Variants in SCFD2 observed in about 807,000 individuals in gnomAD.
The protein encoded by SCFD2 is sec1 family domain containing 2.
SCFD2 carries 54 observed loss-of-function variants against 58.9 expected under a neutral mutation model. The ratio of observed to expected loss-of-function variants is 0.92; its 90% CI spans 0.74 to 1.15. The LOEUF (loss-of-function observed/expected upper bound fraction) is 1.15, where lower values mean the gene tolerates loss of function less well. Among genes scored for constraint, SCFD2 ranks in the 50% most tolerant of loss-of-function variants. The probability of loss-of-function intolerance (pLI) is 0.00; values close to 1 mark genes in which losing one functional copy is unlikely to be tolerated. For missense variants in SCFD2, 805 were observed against 836.6 expected (o/e 0.96, Z 0.47); for synonymous variants, 321 against 335.9 (o/e 0.96, Z 0.49).
chr4:53,214,503 G>T (rs1728742906), intron 4 of SCFD2, among the ~76,000 whole-genome samples: 1 of 151,870 alleles, frequency 6.6e-6, no homozygotes, highest in African/African-American at 2.4e-5. Flanking sequence ...TGATGGGGTT[G>T]TTTTTTTCTT....
At chr4:53,065,869 T>C (rs1213469204) in intron 5 of SCFD2, among the ~76,000 whole-genome samples, 1 of 152,092 alleles carries the variant, frequency 6.6e-6, no homozygotes, top group East Asian at 1.9e-4. Context: ...ATAAGTAAGA[T>C]TGCTGACTGA....
At chr4:53,206,434 C>T (rs193129346) in intron 4 of SCFD2, among the ~76,000 whole-genome samples, 17 of 152,186 alleles carry the variant, frequency 1.1e-4, no homozygotes, top group Admixed American at 1.0e-3. Context: ...TTTGAATGTA[C>T]AAAGCTTAAA....
intron 4 of SCFD2, among the ~76,000 whole-genome samples, chr4:53,197,850 T>C (rs1254645457): frequency 6.6e-6 from 1 of 151,936 alleles, no homozygotes; most frequent in East Asian, 1.9e-4. Flanking sequence ...GCTAATGAGA[T>C]GTTAATTTCA....
chr4:53,177,548 G>A lies in SCFD2; in HGVS notation c.1312-31966C>T, dbSNP rs576532092. Reference sequence around the variant, plus strand: ...GACTGGGAGAGGAGCCAAGATGGTCGAATAGGAACAGCTCCGGTCTACAGC... The same window carrying A: ...GACTGGGAGAGGAGCCAAGATGGTCAAATAGGAACAGCTCCGGTCTACAGC... On this transcript the variant is annotated intron_variant, in intron 4 of 8. Coordinates refer to ENST00000401642, the MANE Select transcript of SCFD2 (RefSeq NM_152540.4). 5.9e-5 allele frequency among the ~76,000 whole-genome samples: 9 copies of A among 152,290 alleles called. No homozygotes were observed. The South Asian group carries it at 6.2e-4, about 11-fold the overall frequency.
chr4:53,086,519 C>T lies in SCFD2; in HGVS notation c.1561+58814G>A, dbSNP rs143272690. On this transcript the variant is annotated intron_variant, in intron 5 of 8. Coordinates refer to ENST00000401642, the MANE Select transcript of SCFD2 (RefSeq NM_152540.4). The stretch of plus-strand genomic sequence containing the variant: ...CAGAGCTACCATATGATCCAGCAAT[C>T]TCACTGCTGGGTGTACACCCAAAAG... 1.2e-4 allele frequency among the ~76,000 whole-genome samples: 19 copies of T among 152,312 alleles called. No individual in the cohort carries two copies. In the East Asian group the frequency reaches 3.7e-3, roughly 29 times the overall value.
chr4:53,200,444 G>A (rs1217814840), intron 4 of SCFD2, among the ~76,000 whole-genome samples: 1 of 151,998 alleles, frequency 6.6e-6, no homozygotes, highest in Admixed American at 6.6e-5. Flanking sequence ...TATTAAAGTA[G>A]ATTTCAAATG....
intron 5 of SCFD2, among the ~76,000 whole-genome samples, chr4:53,012,122 G>A (rs149681715): frequency 5.3e-5 from 8 of 151,460 alleles, no homozygotes; most frequent in African/African-American, 1.9e-4. Context: ...CCTGGCAGAA[G>A]TCAAAGGGTC....
At chr4:53,018,929 G>A (rs192085878) in intron 5 of SCFD2, among the ~76,000 whole-genome samples, 3 of 152,232 alleles carry the variant, frequency 2.0e-5, no homozygotes, top group East Asian at 1.9e-4. Context: ...AAAGCAGCCC[G>A]TAAAGCTATA....
intron 3 of SCFD2, among the ~76,000 whole-genome samples, chr4:53,278,902 G>T (rs1206730525): frequency 6.9e-6 from 1 of 145,314 alleles, no homozygotes. Flanking sequence ...AAAAAAAAAG[G>T]CCAGTGACAT....
chr4:53,011,494 T>C (rs1461579611), intron 5 of SCFD2, among the ~76,000 whole-genome samples: 1 of 152,226 alleles, frequency 6.6e-6, no homozygotes, highest in African/African-American at 2.4e-5. Context: ...TGCAGTGTTC[T>C]CTCTGTTCAC....
At chr4:53,038,057 C>G (rs1216589225) in intron 5 of SCFD2, among the ~76,000 whole-genome samples, 1 of 152,114 alleles carries the variant, frequency 6.6e-6, no homozygotes, top group Non-Finnish European at 1.5e-5. Flanking sequence ...CTGGATCCTT[C>G]TAAGAGGGTT....
chr4:53,168,789 T>C (rs778585814), intron 4 of SCFD2, among the ~76,000 whole-genome samples: 38 of 152,230 alleles, frequency 2.5e-4, no homozygotes, highest in Middle Eastern at 3.2e-3. Flanking sequence ...TTTTGAAATA[T>C]ATAGTATGTT....
At chr4:52,976,364 T>A (rs1249810543) in intron 5 of SCFD2, among the ~76,000 whole-genome samples, 1 of 152,168 alleles carries the variant, frequency 6.6e-6, no homozygotes. Flanking sequence ...ATTTCCCTTG[T>A]CTTCCAGAGT....
rs375133821 is a variant in SCFD2, at chr4:53,270,646, A to G, written c.1311+3180T>C. 7.7e-4 allele frequency among the ~76,000 whole-genome samples: 117 copies of G among 152,332 alleles called. No individual in the cohort carries two copies. The South Asian group carries it at 0.022, about 29-fold the overall frequency. ...AACCAGAAATAAGAAAACAAATATC[A>G]TTACAAAATGCAAGGTGTTGGATCC... On this transcript the variant is annotated intron_variant, in intron 4 of 8. Transcript: ENST00000401642.
chr4:52,920,677 C>A, intron 6 of SCFD2, 48 bp downstream of exon 6: 2 of 1,384,474 alleles, frequency 1.4e-6, no homozygotes, highest in Non-Finnish European at 2.0e-6. Flanking sequence ...ACTCTGAATC[C>A]TAGAAGTACA....
chr4:53,235,920 G>A (rs959473652), intron 4 of SCFD2, among the ~76,000 whole-genome samples: 3 of 152,134 alleles, frequency 2.0e-5, no homozygotes, highest in Admixed American at 2.0e-4. Context: ...CTAAAGCCTG[G>A]GGCAATCTAT....
chr4:53,330,902 T>C (rs1237861805), intron 2 of SCFD2, among the ~76,000 whole-genome samples: 1 of 151,470 alleles, frequency 6.6e-6, no homozygotes, highest in East Asian at 1.9e-4. Context: ...TGGAGGAAGA[T>C]CTACCAAGCA....
chr4:53,356,601 T>C (rs1734406857), intron 1 of SCFD2, among the ~76,000 whole-genome samples: 1 of 152,096 alleles, frequency 6.6e-6, no homozygotes, highest in South Asian at 2.1e-4. Context: ...ATTTTTTGTA[T>C]TTTTTGTAGA....
At chr4:53,186,389 G>A (rs1270325956) in intron 4 of SCFD2, among the ~76,000 whole-genome samples, 4 of 152,112 alleles carry the variant, frequency 2.6e-5, no homozygotes, top group East Asian at 1.9e-4. Flanking sequence ...TTCTGGGGAG[G>A]CAGACTCTGT....
Sources: allele counts gnomAD v4.1 joint callset (sites outside exome capture counted in the v4.1 genomes callset), GRCh38; gene constraint gnomAD v4.1.1; transcripts MANE v1.5; gene names NCBI Gene and HGNC (gene_info 2026-07-23, HGNC 2026-07-21).